MAN2A1: variants seen among roughly 807,000 people sequenced by gnomAD.
MAN2A1 encodes alpha-mannosidase 2.
MAN2A1 carries 76 observed loss-of-function variants against 142.6 expected under a neutral mutation model. The observed-to-expected ratio is 0.53, with a 90% CI of 0.44 to 0.65. MAN2A1 has a LOEUF of 0.65. MAN2A1 is among the 30% of genes least tolerant of loss of function. The pLI is 0.00. For synonymous variants in MAN2A1, 559 were observed against 473.2 expected (o/e 1.18, Z -2.35); for missense variants, 1,311 against 1,365.1 (o/e 0.96, Z 0.62).
chr5:109,738,459 G>T lies in MAN2A1; in HGVS notation c.707+8946G>T, dbSNP rs1193963482. On this transcript the variant is annotated intron_variant, in intron 4 of 21. Coordinates refer to ENST00000261483, the MANE Select transcript of MAN2A1 (RefSeq NM_002372.4). ...AATATTGTTATACTACCACTCTTTT[G>T]TTGTTCGTTTGCTTGAGTTTGCTGT... Among the ~76,000 whole-genome samples, 3 of 151,754 alleles carry T rather than the reference G, an allele frequency of 2.0e-5. No individual in the cohort carries two copies. The East Asian group carries it at 5.8e-4, about 29-fold the overall frequency.
At chr5:109,861,880 T>G (rs1245275608) in intron 20 of MAN2A1, among the ~76,000 whole-genome samples, 2 of 152,202 alleles carry the variant, frequency 1.3e-5, no homozygotes, top group Non-Finnish European at 2.9e-5. Context: ...GGGAGAAGAC[T>G]AAGGGCTAAT....
At chr5:109,702,732 ACTCAT>A (rs1210949899) in intron 1 of MAN2A1, among the ~76,000 whole-genome samples, 2 of 152,044 alleles carry the variant, frequency 1.3e-5, no homozygotes, top group Admixed American at 1.3e-4. Flanking sequence ...TGTATCCTTA[ACTCAT>A]CTTTGATAAC....
At chr5:109,798,077 A>G (rs914640586) in intron 12 of MAN2A1, among the ~76,000 whole-genome samples, 3 of 152,232 alleles carry the variant, frequency 2.0e-5, no homozygotes, top group Non-Finnish European at 4.4e-5. Flanking sequence ...ATTGGAAACA[A>G]TTAGACGTAG....
intron 6 of MAN2A1, among the ~76,000 whole-genome samples, chr5:109,769,312 C>T (rs1320641802): frequency 4.6e-5 from 7 of 152,118 alleles, no homozygotes; most frequent in African/African-American, 1.7e-4. Flanking sequence ...TTAGGACTTA[C>T]CTGATAAATT....
chr5:109,742,731 G>C (rs1752302760), intron 4 of MAN2A1, among the ~76,000 whole-genome samples: 1 of 152,156 alleles, frequency 6.6e-6, no homozygotes, highest in African/African-American at 2.4e-5. Context: ...GTGATATTCA[G>C]AGTCATTTGC....
intron 12 of MAN2A1, among the ~76,000 whole-genome samples, chr5:109,800,628 A>G (rs756370327): frequency 7.2e-5 from 11 of 152,352 alleles, no homozygotes; most frequent in Non-Finnish European, 1.3e-4. Flanking sequence ...TTATATAGAA[A>G]GATTTTTAAA....
intron 5 of MAN2A1, among the ~76,000 whole-genome samples, chr5:109,757,799 T>C (rs1752728582): frequency 6.6e-6 from 1 of 152,190 alleles, no homozygotes; most frequent in Non-Finnish European, 1.5e-5. Context: ...AAGCATGTAA[T>C]GTATGGCCTT....
intron 4 of MAN2A1, among the ~76,000 whole-genome samples, chr5:109,741,515 C>G (rs1752266648): frequency 6.6e-6 from 1 of 152,102 alleles, no homozygotes; most frequent in African/African-American, 2.4e-5. Context: ...TGGCTTTTCT[C>G]TTTTTGAAGA....
chr5:109,734,241 A>T (rs1582837862), intron 4 of MAN2A1, among the ~76,000 whole-genome samples: 17 of 137,208 alleles, frequency 1.2e-4, no homozygotes, highest in African/African-American at 1.4e-4. Flanking sequence ...CGTCTATTTG[A>T]TTCTTCTCTC....
At chr5:109,834,291 G>A (rs557162873) in intron 16 of MAN2A1, among the ~76,000 whole-genome samples, 109 of 152,204 alleles carry the variant, frequency 7.2e-4, no homozygotes, top group African/African-American at 2.5e-3. Flanking sequence ...GTGTTGTGAG[G>A]TATTTTATTC....
chr5:109,696,230 A>G (rs1193620182), intron 1 of MAN2A1, among the ~76,000 whole-genome samples: 5 of 151,948 alleles, frequency 3.3e-5, no homozygotes. Flanking sequence ...CCTCCCGAGT[A>G]GCTGGGATTA....
Position 109,846,025 on chromosome 5 carries a change from C to T in MAN2A1, c.2842+19C>T. The T allele has an allele frequency of 6.3e-7, 1 of 1,580,608 alleles. No individual in the cohort carries two copies. Among genetic ancestry groups the T allele is most frequent in the Non-Finnish European group, 8.6e-7 (1 of 1,163,490 alleles). On this transcript the variant is annotated intron_variant, in intron 18 of 21. Coordinates refer to ENST00000261483, the MANE Select transcript of MAN2A1 (RefSeq NM_002372.4). ...AATAGTGGTATGTATTGCTTACACTCTTTTCCACTCTGAAAGGTTTCAATT... is the reference window on the plus strand; with the variant it reads ...AATAGTGGTATGTATTGCTTACACTTTTTTCCACTCTGAAAGGTTTCAATT...
intron 5 of MAN2A1, among the ~76,000 whole-genome samples, chr5:109,767,001 G>C (rs987539229): frequency 2.0e-5 from 3 of 152,142 alleles, no homozygotes; most frequent in African/African-American, 7.2e-5. Flanking sequence ...AATGAAATAT[G>C]GTATAGTTAT....
Position 109,823,233 on chromosome 5 carries a change from T to G in MAN2A1, c.2452-490T>G, listed in dbSNP as rs187912168. 5.8e-4 allele frequency among the ~76,000 whole-genome samples: 89 copies of G among 152,286 alleles called. 1 individual carries two copies. The highest frequency in any genetic ancestry group is 2.1e-3 in the African/African-American group (87 of 41,572). On this transcript the variant is annotated intron_variant, in intron 15 of 21. Coordinates refer to ENST00000261483, the MANE Select transcript of MAN2A1 (RefSeq NM_002372.4). ...CTTTCAAGTAAAAGGACAGAATGTT[T>G]TATAGTTTAGTAAACCGAGCTATGA...
At chr5:109,730,673 G>A (rs115586417) in intron 4 of MAN2A1, among the ~76,000 whole-genome samples, 37 of 152,118 alleles carry the variant, frequency 2.4e-4, no homozygotes, top group African/African-American at 8.0e-4. Flanking sequence ...CTTATACAGC[G>A]CTTACTGTAT....
intron 16 of MAN2A1, among the ~76,000 whole-genome samples, chr5:109,826,062 C>T (rs970817406): frequency 2.0e-5 from 3 of 151,772 alleles, no homozygotes; most frequent in Admixed American, 6.6e-5. Context: ...TACACCACCA[C>T]GCCTGGCTAA....
At position 109,855,175 on chromosome 5, in the gene MAN2A1, C is replaced by T; in HGVS notation, c.3012C>T (p.Leu1004=). 1 of 1,592,456 alleles carries T rather than the reference C, an allele frequency of 6.3e-7. No homozygotes were observed. The highest frequency in any genetic ancestry group is 2.4e-5 in the East Asian group (1 of 42,366). ...AGAAGTCGGTCAGTTATCCTTCTCT[C>T]CTTAGCCACATAACTTCTTCTCTCA... ...EEKKSVSYPS[L]LSHITSSLMN... Residue 1004 remains leucine (L), a synonymous_variant, in exon 20 of 22, where the codon CTC becomes CTT. Coordinates refer to ENST00000261483, the MANE Select transcript of MAN2A1 (RefSeq NM_002372.4).
At chr5:109,745,456 A>G (rs1230864018) in intron 4 of MAN2A1, among the ~76,000 whole-genome samples, 1 of 152,136 alleles carries the variant, frequency 6.6e-6, no homozygotes, top group East Asian at 1.9e-4. Context: ...TTTAAATTTT[A>G]TTCTTTAACG....
At chr5:109,770,210 GGT>G (rs1753106234) in intron 6 of MAN2A1, 143 bp from the exon 7 acceptor site, 1 of 657,518 alleles carries the variant, frequency 1.5e-6, no homozygotes, top group African/African-American at 1.8e-5. Flanking sequence ...ATACCGCTGG[GGT>G]ATATGTACTG....
Sources: allele counts gnomAD v4.1 joint callset (sites outside exome capture counted in the v4.1 genomes callset), GRCh38; gene constraint gnomAD v4.1.1; transcripts MANE v1.5; gene names NCBI Gene and HGNC (gene_info 2026-07-23, HGNC 2026-07-21).